The following ADGRL2 variants were observed in gnomAD, a reference collection of about 807,000 sequenced individuals.
The protein encoded by ADGRL2 is adhesion G protein-coupled receptor L2.
Under a neutral mutation model 157.4 loss-of-function variants are expected in ADGRL2, and 44 were observed. The ratio of observed to expected loss-of-function variants is 0.28; its 90% CI spans 0.22 to 0.36. ADGRL2 has a LOEUF of 0.36. ADGRL2 is among the 10% of genes least tolerant of loss of function. The probability of loss-of-function intolerance (pLI) is 1.00; values close to 1 mark genes in which losing one functional copy is unlikely to be tolerated. For missense variants in ADGRL2, 1,510 were observed against 1,768.9 expected, an observed-to-expected ratio of 0.85 and a Z score of 2.63; for synonymous variants, 585 against 624.7, an observed-to-expected ratio of 0.94 and a Z score of 0.95.
At chr1:81,479,123 T>C (rs2147866898) in intron 2 of ADGRL2, among the ~76,000 whole-genome samples, 1 of 152,256 alleles carries the variant, frequency 6.6e-6, no homozygotes, top group East Asian at 1.9e-4. Flanking sequence ...TATCTCTTGG[T>C]TTTTGTCCCC....
chr1:81,589,787 A>T (rs2148582986), intron 3 of ADGRL2, among the ~76,000 whole-genome samples: 1 of 152,316 alleles, frequency 6.6e-6, no homozygotes. Context: ...AGTTTTAAAG[A>T]CTTCCACTTT....
rs905144505 is a variant in ADGRL2, at chr1:81,606,781, C to CGT, written c.-143+25812_-143+25813dup. 1.9e-4 allele frequency among the ~76,000 whole-genome samples: 22 copies of CGT among 113,124 alleles called. No individual in the cohort carries two copies. The East Asian group carries it at 4.0e-3, about 20-fold the overall frequency. The allele number at this position is 113,124 out of a possible 152,430, so 74.2% of individuals were successfully genotyped here. ...GTGTGTGTGTGTGTGTGTGCGCACG[C>CGT]GTGTGTGTGTGTTTATGGCCTAGGC... On this transcript the variant is annotated intron_variant, in intron 3 of 24. Transcript: ENST00000370721.
chr1:81,861,014 C>CTTTTTTT (rs36062412), intron 2 of ADGRL2, among the ~76,000 whole-genome samples: 1 of 118,488 alleles, frequency 8.4e-6, no homozygotes, highest in African/African-American at 3.2e-5. Context: ...ATTTCACTGA[C>CTTTTTTT]TTTTTTTTTT....
Position 81,992,500 on chromosome 1 carries a change from C to T in ADGRL2, c.*1355C>T, listed in dbSNP as rs565926997. 5 of 152,504 alleles carry T rather than the reference C, an allele frequency of 3.3e-5. No homozygotes were observed. The highest frequency in any genetic ancestry group is 9.6e-5 in the African/African-American group (4 of 41,518). 9.4% of individuals were successfully genotyped at this position (152,504 alleles called of 1,614,324 possible). A position where few individuals can be genotyped will look rare whatever the true frequency, so the allele number is the denominator to read the frequency against. Reference sequence around the variant, plus strand: ...TCCATTCCCACCTTGGTTTAAGTAACGTCATACCAAAGTCCATGGATATAT... The same window carrying T: ...TCCATTCCCACCTTGGTTTAAGTAATGTCATACCAAAGTCCATGGATATAT... On this transcript the variant is annotated 3_prime_UTR_variant, in exon 24 of 24. Transcript: ENST00000686636.
At chr1:81,364,191 T>C (rs547978202) in intron 1 of ADGRL2, among the ~76,000 whole-genome samples, 2 of 148,076 alleles carry the variant, frequency 1.4e-5, no homozygotes, top group Admixed American at 1.4e-4. Context: ...AGAGGAAGGT[T>C]GAGCCTTGAA....
intron 1 of ADGRL2, among the ~76,000 whole-genome samples, chr1:81,435,929 T>C (rs1401209064): frequency 6.6e-6 from 1 of 152,020 alleles, no homozygotes; most frequent in African/African-American, 2.4e-5. Context: ...AAACCCCATC[T>C]CTACTAAAAA....
chr1:81,392,648 G>A (rs763763865), intron 1 of ADGRL2, among the ~76,000 whole-genome samples: 1 of 152,134 alleles, frequency 6.6e-6, no homozygotes, highest in East Asian at 1.9e-4. Context: ...ATATTATTAA[G>A]AGACCATGCC....
At chr1:81,948,099 C>A (rs929692717) in intron 6 of ADGRL2, among the ~76,000 whole-genome samples, 1 of 151,872 alleles carries the variant, frequency 6.6e-6, no homozygotes, top group Non-Finnish European at 1.5e-5. Context: ...TGCCTGTAGA[C>A]CCAGCTACTC....
At chr1:81,930,018 C>T (rs1242885877) in intron 3 of ADGRL2, among the ~76,000 whole-genome samples, 4 of 152,132 alleles carry the variant, frequency 2.6e-5, no homozygotes, top group Non-Finnish European at 5.9e-5. Context: ...TGACCTGGAA[C>T]TTACACACCA....
chr1:81,717,041 G>A (rs1248483205), intron 1 of ADGRL2, among the ~76,000 whole-genome samples: 1 of 152,150 alleles, frequency 6.6e-6, no homozygotes, highest in African/African-American at 2.4e-5. Context: ...CTGCATTAAG[G>A]ATGAAATCTT....
chr1:81,483,155 A>T (rs2078425779), intron 2 of ADGRL2, among the ~76,000 whole-genome samples: 1 of 152,140 alleles, frequency 6.6e-6, no homozygotes, highest in Non-Finnish European at 1.5e-5. Context: ...CCCAAACCTA[A>T]TCTGAATGTT....
At chr1:81,960,019 C>T (rs2149201385) in intron 11 of ADGRL2, among the ~76,000 whole-genome samples, 1 of 152,220 alleles carries the variant, frequency 6.6e-6, no homozygotes, top group South Asian at 2.1e-4. Flanking sequence ...AGGCTGGTCT[C>T]ACACTCCTGA....
chr1:81,315,550 G>A (rs1660046654), intron 1 of ADGRL2, among the ~76,000 whole-genome samples: 1 of 152,204 alleles, frequency 6.6e-6, no homozygotes, highest in Non-Finnish European at 1.5e-5. Context: ...AAGTCCCTCA[G>A]GGCTTATGGT....
chr1:81,583,057 G>A lies in ADGRL2; in HGVS notation c.-143+2077G>A, dbSNP rs563942718. On this transcript the variant is annotated intron_variant, in intron 3 of 24. Coordinates refer to the ADGRL2 transcript ENST00000370721. ...TTCTCACTGGATATTCTGTTATACC[G>A]TACACCAACAACTATCTTACTAGAA... Among the ~76,000 whole-genome samples the A allele has an allele frequency of 5.3e-5, 8 of 152,154 alleles. No homozygotes were observed. The South Asian group carries it at 1.2e-3, about 24-fold the overall frequency.
chr1:81,363,558 A>T (rs1171418408), intron 1 of ADGRL2, among the ~76,000 whole-genome samples: 3 of 152,164 alleles, frequency 2.0e-5, no homozygotes, highest in Non-Finnish European at 4.4e-5. Context: ...GGTCTAAAAA[A>T]TTGATTAATT....
At chr1:81,356,284 T>C (rs1166196309) in intron 1 of ADGRL2, among the ~76,000 whole-genome samples, 1 of 152,238 alleles carries the variant, frequency 6.6e-6, no homozygotes, top group African/African-American at 2.4e-5. Context: ...GCTTAGGTTA[T>C]ACATTGCAAA....
At chr1:81,355,000 A>C (rs563396974) in intron 1 of ADGRL2, among the ~76,000 whole-genome samples, 1 of 152,350 alleles carries the variant, frequency 6.6e-6, no homozygotes, top group South Asian at 2.1e-4. Context: ...TAGGAAAAAA[A>C]TACGTGCCAG....
chr1:81,475,616 G>C (rs547087532), intron 2 of ADGRL2, among the ~76,000 whole-genome samples: 1 of 152,272 alleles, frequency 6.6e-6, no homozygotes, highest in Non-Finnish European at 1.5e-5. Context: ...TTTTGTAAAT[G>C]GGTTCATCTT....
chr1:81,432,469 T>C (rs906478516), intron 1 of ADGRL2, among the ~76,000 whole-genome samples: 2 of 152,214 alleles, frequency 1.3e-5, no homozygotes, highest in East Asian at 3.8e-4. Context: ...TGTAATTATG[T>C]TGATTTTTTT....
Sources: gnomAD v4.1 joint callset for allele counts (sites outside exome capture counted in the v4.1 genomes callset) on GRCh38, gnomAD v4.1.1 for gene constraint, MANE v1.5 for transcripts, NCBI Gene and HGNC (gene_info 2026-07-23, HGNC 2026-07-21) for gene names.